ANO3: variants seen among roughly 807,000 people sequenced by gnomAD.
The protein encoded by ANO3 is anoctamin-3.
ANO3 carries 99 observed loss-of-function variants against 144.8 expected under a neutral mutation model. The ratio of observed to expected loss-of-function variants is 0.68; its 90% confidence interval spans 0.58 to 0.81. ANO3 has a LOEUF of 0.81. Among genes scored for constraint, ANO3 ranks in the 30% least tolerant of loss-of-function variants. ANO3 has a pLI of 0.00. For missense variants in ANO3, 905 were observed against 1,202.2 expected (o/e 0.75, Z 3.66); for synonymous variants, 414 against 392.6 (o/e 1.05, Z -0.64).
chr11:26,324,545 C>T (rs1479110079), intron 1 of ANO3, among the ~76,000 whole-genome samples: 1 of 152,162 alleles, frequency 6.6e-6, no homozygotes, highest in Non-Finnish European at 1.5e-5. Context: ...TGAGCCCAAG[C>T]CAAAATTAGT....
intron 1 of ANO3, among the ~76,000 whole-genome samples, chr11:26,367,481 G>T (rs185859768): frequency 6.6e-6 from 1 of 151,454 alleles, no homozygotes; most frequent in Non-Finnish European, 1.5e-5. Context: ...ATCACCCTCC[G>T]AGAAGTTCCA....
chr11:26,448,342 A>G (rs1344710302), intron 3 of ANO3, among the ~76,000 whole-genome samples: 3 of 151,984 alleles, frequency 2.0e-5, no homozygotes, highest in African/African-American at 7.2e-5. Context: ...GCTCACTAAG[A>G]CCAGCATAAT....
intron 1 of ANO3, among the ~76,000 whole-genome samples, chr11:26,315,450 G>T (rs1189836765): frequency 1.3e-5 from 2 of 152,106 alleles, no homozygotes; most frequent in Non-Finnish European, 2.9e-5. Context: ...GGTGAATTAG[G>T]CAGGCAGTCC....
chr11:26,649,798 A>C (rs545992173), intron 24 of ANO3, among the ~76,000 whole-genome samples: 218 of 152,252 alleles, frequency 1.4e-3, no homozygotes, highest in South Asian at 5.6e-3. Context: ...ATAAGATCTT[A>C]TGAACTCTAA....
chr11:26,256,078 A>T (rs1435527647), intron 1 of ANO3, among the ~76,000 whole-genome samples: 1 of 152,208 alleles, frequency 6.6e-6, no homozygotes, highest in Non-Finnish European at 1.5e-5. Context: ...CGGGGTCAGC[A>T]TAGGAAGGAT....
intron 1 of ANO3, among the ~76,000 whole-genome samples, chr11:26,424,300 T>C (rs16915667): frequency 0.16 from 24,234 of 151,116 alleles, 2,134 homozygotes; most frequent in South Asian, 0.3. Context: ...TGTCAGTTTT[T>C]TTTTCATTTT....
Position 26,516,882 on chromosome 11 carries a change from C to T in ANO3, c.647C>T (p.Thr216Met), listed in dbSNP as rs748171802. ...MFIKIHIPWD[T>M]LCKYAERLNI... ...ATTAAAATTCACATTCCATGGGACA[C>T]GCTGTGCAAGTATGCAGAGAGGCTG... Residue 216 changes from threonine (T) to methionine (M), a missense_variant, in exon 6 of 27, where the codon ACG becomes ATG. Thr to Met is a moderately conservative substitution (Grantham distance 81). Coordinates refer to ENST00000256737, the MANE Select transcript of ANO3 (RefSeq NM_031418.4). 1.1e-5 allele frequency: 18 copies of T among 1,611,542 alleles called. No individual in the cohort carries two copies. Among genetic ancestry groups the T allele is most frequent in the East Asian group, 6.7e-5 (3 of 44,802 alleles).
At chr11:26,306,816 A>G (rs1854394595), upstream of ANO3, among the ~76,000 whole-genome samples, 1 of 152,226 alleles carries the variant, frequency 6.6e-6, no homozygotes, top group Non-Finnish European at 1.5e-5. Context: ...CCTAAGTATG[A>G]AATATTATGA....
intron 1 of ANO3, among the ~76,000 whole-genome samples, chr11:26,302,892 A>G (rs904056356): frequency 2.6e-5 from 4 of 152,220 alleles, no homozygotes; most frequent in African/African-American, 9.6e-5. Context: ...TAATGGGCAA[A>G]GGAAATGAAT....
chr11:26,382,413 A>T (rs1221123710), intron 1 of ANO3, among the ~76,000 whole-genome samples: 1 of 152,170 alleles, frequency 6.6e-6, no homozygotes, highest in Non-Finnish European at 1.5e-5. Context: ...GCATTCTCTA[A>T]CACATTATAC....
intron 7 of ANO3, among the ~76,000 whole-genome samples, chr11:26,526,920 T>C (rs1179504348): frequency 6.6e-6 from 1 of 152,130 alleles, no homozygotes; most frequent in Non-Finnish European, 1.5e-5. Flanking sequence ...AATATTACAA[T>C]TTGCAAGTTT....
intron 1 of ANO3, among the ~76,000 whole-genome samples, chr11:26,395,507 A>G (rs1052073920): frequency 6.6e-6 from 1 of 152,022 alleles, no homozygotes; most frequent in Non-Finnish European, 1.5e-5. Context: ...TTTGTAAGTT[A>G]TATTCCTAGA....
chr11:26,200,677 C>A (rs1211222768), intron 1 of ANO3, among the ~76,000 whole-genome samples: 1 of 152,040 alleles, frequency 6.6e-6, no homozygotes, highest in African/African-American at 2.4e-5. Context: ...AGGAATATTA[C>A]AAACAAAATA....
chr11:26,455,504 C>A (rs1211173170), intron 3 of ANO3, among the ~76,000 whole-genome samples: 1 of 152,166 alleles, frequency 6.6e-6, no homozygotes, highest in African/African-American at 2.4e-5. Flanking sequence ...ACCTAGGAAT[C>A]CACCTTACAA....
chr11:26,401,440 A>G (rs540224836), intron 1 of ANO3, among the ~76,000 whole-genome samples: 2 of 152,196 alleles, frequency 1.3e-5, no homozygotes, highest in African/African-American at 4.8e-5. Flanking sequence ...GGGGATCTAA[A>G]GGTAACCTTA....
At chr11:26,229,877 A>T (rs1180923417) in intron 1 of ANO3, among the ~76,000 whole-genome samples, 1 of 152,222 alleles carries the variant, frequency 6.6e-6, no homozygotes, top group African/African-American at 2.4e-5. Flanking sequence ...ACATGAATAA[A>T]AGGATAACAG....
chr11:26,357,302 C>T (rs905550222), intron 1 of ANO3, among the ~76,000 whole-genome samples: 1 of 152,134 alleles, frequency 6.6e-6, no homozygotes, highest in East Asian at 1.9e-4. Context: ...AAGTGTCAGA[C>T]TTATTTTCAA....
chr11:26,559,389 A>T, intron 13 of ANO3: 1 of 192,754 alleles, frequency 5.2e-6, no homozygotes, highest in Non-Finnish European at 1.1e-5. Flanking sequence ...CTAATTTCAT[A>T]CAACTTTCAT....
At chr11:26,632,792 A>C (rs2133037847) in intron 18 of ANO3, among the ~76,000 whole-genome samples, 1 of 152,118 alleles carries the variant, frequency 6.6e-6, no homozygotes, top group East Asian at 1.9e-4. Context: ...ATGCTGAAAT[A>C]AAATTAGAAA....
Sources: allele counts gnomAD v4.1 joint callset (sites outside exome capture counted in the v4.1 genomes callset), GRCh38; gene constraint gnomAD v4.1.1; transcripts MANE v1.5; gene names NCBI Gene and HGNC (gene_info 2026-07-23, HGNC 2026-07-21).